The following AR variants were observed in gnomAD, a reference collection of about 807,000 sequenced individuals.
AR encodes the protein dihydrotestosterone receptor.
Under a neutral mutation model 53.9 loss-of-function variants are expected in AR, and 8 were observed. That is an observed-to-expected ratio of 0.15 (90% CI 0.09 to 0.27). The LOEUF is 0.27. Ranked by LOEUF, AR falls within the 10% of genes least tolerant of loss-of-function variation. The pLI is 1.00. For synonymous variants in AR, 359 were observed against 316.4 expected, an observed-to-expected ratio of 1.13 and a Z score of -1.43; for missense variants, 639 against 742.5, an observed-to-expected ratio of 0.86 and a Z score of 1.62.
chrX:67,578,478 A>G (rs754451557), intron 1 of AR, among the ~76,000 whole-genome samples: 3 of 111,883 alleles, frequency 2.7e-5, no homozygotes, highest in African/African-American at 9.7e-5. Context: ...CAAGTGGGAA[A>G]TCATGAAACC....
intron 1 of AR, among the ~76,000 whole-genome samples, chrX:67,576,941 G>A (rs1462239609): frequency 1.9e-5 from 2 of 107,798 alleles, no homozygotes; most frequent in African/African-American, 3.4e-5. Flanking sequence ...AATATAAAAT[G>A]TACGTACCAT....
At chrX:67,554,709 G>T (rs2147331100) in intron 1 of AR, among the ~76,000 whole-genome samples, 1 of 111,103 alleles carries the variant, frequency 9.0e-6, no homozygotes, top group East Asian at 2.8e-4. Flanking sequence ...GCCGAGGTGG[G>T]TGGATCACCT....
rs1569265261 is a variant in AR at position 67,546,565 on chromosome X, C to CGGCGGCGGCGGCGGCG, written c.1420_1421insGCGGCGGCGGCGGCGG (p.Glu474GlyfsTer33). ...GCGGCGGCGGCGGCGGCGGCGGCGG[C>CGGCGGCGGCGGCGGCG]GAGGCGGGAGCTGTAGCCCCCTACG... On this transcript the variant is annotated frameshift_variant, in exon 1 of 8. Transcript: ENST00000374690. LOFTEE classifies it high-confidence loss of function. 1.0e-6 allele frequency: 1 copy of CGGCGGCGGCGGCGGCG among 984,363 alleles called. No individual in the cohort carries two copies. The allele number at this position is 984,363 out of a possible 1,213,427, so 81.1% of individuals were successfully genotyped here.
At chrX:67,548,604 C>A (rs1368796900) in intron 1 of AR, among the ~76,000 whole-genome samples, 1 of 110,854 alleles carries the variant, frequency 9.0e-6, no homozygotes, top group Non-Finnish European at 1.9e-5. Flanking sequence ...ATGCCTCCCC[C>A]ACAACTTACT....
At chrX:67,661,121 G>A (rs1199714789) in intron 2 of AR, among the ~76,000 whole-genome samples, 2 of 111,479 alleles carry the variant, frequency 1.8e-5, no homozygotes, top group African/African-American at 3.3e-5. Context: ...GGGTTGAGAC[G>A]ATGGGGTTTT....
intron 3 of AR, among the ~76,000 whole-genome samples, chrX:67,705,879 C>T (rs1039081331): frequency 9.0e-6 from 1 of 111,398 alleles, no homozygotes; most frequent in Non-Finnish European, 1.9e-5. Context: ...TTGTCAAAGG[C>T]CTTTTCTGCA....
Position 67,656,137 on chromosome X carries a change from A to C in AR, c.1768+12730A>C, listed in dbSNP as rs1385376884. On this transcript the variant is annotated intron_variant, in intron 2 of 7. Coordinates refer to ENST00000374690, the MANE Select transcript of AR (RefSeq NM_000044.6). ...TAGCTAGAGAGAACTCCAGGCTATAAGCATTTGTATTCTCATAGTCCAATG... is the reference window on the plus strand; with the variant it reads ...TAGCTAGAGAGAACTCCAGGCTATACGCATTTGTATTCTCATAGTCCAATG... Among the ~76,000 whole-genome samples, 3 of 111,741 alleles carry C rather than the reference A, an allele frequency of 2.7e-5. No homozygotes were observed. The Admixed American group carries it at 2.9e-4, about 11-fold the overall frequency.
chrX:67,598,805 G>A (rs1489241790), intron 1 of AR, among the ~76,000 whole-genome samples: 3 of 109,765 alleles, frequency 2.7e-5, no homozygotes, highest in South Asian at 4.0e-4. Context: ...TCTTCTCAGG[G>A]AAAGGTTTGA....
At chrX:67,691,758 G>T (rs1438364702) in intron 3 of AR, among the ~76,000 whole-genome samples, 2 of 111,533 alleles carry the variant, frequency 1.8e-5, no homozygotes, top group Non-Finnish European at 3.8e-5. Flanking sequence ...TTACCACATG[G>T]TGCATAAGAT....
Position 67,690,487 on chromosome X carries a change from G to A in AR, c.1885+4361G>A, listed in dbSNP as rs373528580. 1.6e-3 allele frequency among the ~76,000 whole-genome samples: 184 copies of A among 111,904 alleles called. 2 individuals are homozygous for A. In the South Asian group the frequency reaches 0.065, roughly 39 times the overall value. ...GATCCCATGTCCTGAATGCAACAGA[G>A]TGATTTCGCTGCTGAATTACTATTC... On this transcript the variant is annotated intron_variant, in intron 3 of 7. Transcript: ENST00000374690.
intron 2 of AR, among the ~76,000 whole-genome samples, chrX:67,684,461 G>T (rs780301252): frequency 1.8e-5 from 2 of 110,860 alleles, no homozygotes; most frequent in Non-Finnish European, 3.8e-5. Context: ...TTCCTTTGGG[G>T]GCCTCCGATT....
chrX:67,704,933 T>A (rs1456681422), intron 3 of AR, among the ~76,000 whole-genome samples: 1 of 112,019 alleles, frequency 8.9e-6, no homozygotes, highest in African/African-American at 3.2e-5. Flanking sequence ...TTTTGTCAGG[T>A]TTGTCAAAGA....
At position 67,723,867 on chromosome X, in the gene AR, C is replaced by G. The variant is rs1430012481; in HGVS notation, c.*26C>G. The G allele has an allele frequency of 3.3e-6, 4 of 1,203,780 alleles. No homozygotes were observed. Among genetic ancestry groups the G allele is most frequent in the African/African-American group, 3.5e-5 (2 of 56,690 alleles). ...AGCATTGGAAACCCTATTTCCCCAC[C>G]CCAGCTCATGCCCCCTTTCAGATGT... On this transcript the variant is annotated 3_prime_UTR_variant, in exon 8 of 8. Transcript: ENST00000374690.
At chrX:67,673,369 G>GTCTCTGTC (rs2075878176) in intron 2 of AR, among the ~76,000 whole-genome samples, 1 of 97,595 alleles carries the variant, frequency 1.0e-5, no homozygotes, top group Admixed American at 1.2e-4. Flanking sequence ...TTCTCTCTCT[G>GTCTCTGTC]TCTCTCTCTC....
intron 3 of AR, among the ~76,000 whole-genome samples, chrX:67,687,976 A>G (rs2075976048): frequency 1.8e-5 from 2 of 112,614 alleles, no homozygotes; most frequent in Non-Finnish European, 3.8e-5. Flanking sequence ...GTTTCACTAT[A>G]CTATATAACC....
At chrX:67,592,561 G>A (rs1262031084) in intron 1 of AR, among the ~76,000 whole-genome samples, 4 of 108,077 alleles carry the variant, frequency 3.7e-5, no homozygotes, top group African/African-American at 6.7e-5. Context: ...ATTCTTGAAC[G>A]ATTGTAAAAT....
intron 3 of AR, among the ~76,000 whole-genome samples, chrX:67,687,789 T>G (rs1263597952): frequency 8.9e-6 from 1 of 112,370 alleles, no homozygotes; most frequent in Non-Finnish European, 1.9e-5. Flanking sequence ...TCTGGCAATA[T>G]GAATTGCAAG....
chrX:67,630,670 T>G (rs1444293874), intron 1 of AR, among the ~76,000 whole-genome samples: 13 of 110,836 alleles, frequency 1.2e-4, no homozygotes, highest in African/African-American at 1.6e-4. Context: ...GTGTGAATTT[T>G]ATCCTGTCAT....
At chrX:67,689,426 C>T (rs757870046) in intron 3 of AR, 2 of 342,867 alleles carry the variant, frequency 5.8e-6, no homozygotes, top group African/African-American at 5.7e-5. Context: ...GATCTTTAAT[C>T]TGGCTTTCTC....
Sources: allele counts gnomAD v4.1 joint callset (sites outside exome capture counted in the v4.1 genomes callset), GRCh38; gene constraint gnomAD v4.1.1; transcripts MANE v1.5; gene names NCBI Gene and HGNC (gene_info 2026-07-23, HGNC 2026-07-21).